Variants in EVC observed in about 807,000 individuals in gnomAD.
EVC encodes evC complex member EVC.
A neutral mutation model predicts 118.9 loss-of-function variants in EVC; 116 were observed. The observed-to-expected ratio is 0.98, with a 90% CI of 0.84 to 1.14. The LOEUF is 1.14. Ranked by LOEUF, EVC falls within the 50% of genes most tolerant of loss-of-function variation. The probability of loss-of-function intolerance (pLI) is 0.00; values close to 1 mark genes in which losing one functional copy is unlikely to be tolerated. For missense variants in EVC, 1,401 were observed against 1,246.4 expected, an observed-to-expected ratio of 1.12 and a Z score of -1.87; for synonymous variants, 619 against 534.7, an observed-to-expected ratio of 1.16 and a Z score of -2.18.
downstream of EVC, among the ~76,000 whole-genome samples, chr4:5,816,068 T>G (rs1379715885): frequency 6.6e-6 from 1 of 152,096 alleles, no homozygotes; most frequent in Non-Finnish European, 1.5e-5. Flanking sequence ...CAGGGGCTCA[T>G]TAAAAACAAC....
chr4:5,787,929 G>T (rs2152307537), intron 12 of EVC, among the ~76,000 whole-genome samples: 1 of 152,172 alleles, frequency 6.6e-6, no homozygotes, highest in Non-Finnish European at 1.5e-5. Flanking sequence ...GGTGGTGTTT[G>T]GCCAAGTTGG....
At chr4:5,825,695 CTG>C in the EVC span, 6 of 1,607,062 alleles carry the variant, frequency 3.7e-6, no homozygotes, top group Non-Finnish European at 5.1e-6. The surrounding 1 kb of genome is among the most constrained non-coding windows in gnomAD (Gnocchi z 4.4). Context: ...TTGATCGACA[CTG>C]TGCATGTGTG....
intron 1 of EVC, among the ~76,000 whole-genome samples, chr4:5,717,202 AC>A (rs1332150482): frequency 6.6e-6 from 1 of 151,840 alleles, no homozygotes; most frequent in East Asian, 1.9e-4. Flanking sequence ...TCAACTTTAT[AC>A]TTGTATTGAG....
the EVC span, chr4:5,821,974 G>T: frequency 1.4e-6 from 1 of 725,852 alleles, no homozygotes; most frequent in Non-Finnish European, 2.0e-6. The surrounding 1 kb of genome is among the most constrained non-coding windows in gnomAD (Gnocchi z 4.4). Context: ...GCTCAGTCCA[G>T]GACCAGCCAT....
intron 1 of EVC, among the ~76,000 whole-genome samples, chr4:5,716,857 T>G (rs1157969503): frequency 1.3e-5 from 2 of 152,166 alleles, no homozygotes; most frequent in Non-Finnish European, 1.5e-5. Flanking sequence ...GAAAACTGAT[T>G]CTATTCTGAT....
In EVC at chr4:5,797,097, C is replaced by T. The variant is rs189626383; in HGVS notation, c.1962C>T (p.Asn654=). 2.4e-5 allele frequency: 39 copies of T among 1,613,518 alleles called. No homozygotes were observed. Among genetic ancestry groups the T allele is most frequent in the Middle Eastern group, 1.6e-4 (1 of 6,062 alleles). Residue 654 remains asparagine, a synonymous_variant, in exon 14 of 21, where the codon AAC becomes AAT. Transcript: ENST00000264956. ...SALRRLALRG[N]ALATLTQMRL... ...TCCGGAGGCTGGCACTCCGCGGCAA[C>T]GCCCTGGCCACCCTGACGCAGATGC...
chr4:5,730,887 C>T (rs949003103), intron 3 of EVC, among the ~76,000 whole-genome samples: 7 of 149,324 alleles, frequency 4.7e-5, no homozygotes, highest in Non-Finnish European at 1.0e-4. Flanking sequence ...ATGCCAGGCC[C>T]CAGGCTGTGA....
intron 5 of EVC, among the ~76,000 whole-genome samples, chr4:5,740,312 A>T (rs898358458): frequency 1.9e-4 from 29 of 152,086 alleles, no homozygotes; most frequent in Middle Eastern, 3.2e-3. Context: ...CTCTACTAAA[A>T]ATACAAAAAT....
the EVC span, chr4:5,821,869 T>A: frequency 6.5e-7 from 1 of 1,540,640 alleles, no homozygotes; most frequent in Non-Finnish European, 8.7e-7. The surrounding 1 kb of genome is among the most constrained non-coding windows in gnomAD (Gnocchi z 4.4). Context: ...AGAGCGCCAA[T>A]CGCTGCTGGA....
chr4:5,797,293 A>G (rs1714149910), intron 14 of EVC, 61 bp downstream of exon 14: 1 of 1,388,664 alleles, frequency 7.2e-7, no homozygotes, highest in South Asian at 1.2e-5. Context: ...AGCAGGCCCC[A>G]GCTTCCAGCA....
intron 5 of EVC, 71 bp downstream of exon 5, chr4:5,733,506 G>A: frequency 7.7e-7 from 1 of 1,291,184 alleles, no homozygotes; most frequent in East Asian, 2.3e-5. Flanking sequence ...TCTGTGTGCA[G>A]TGAGTCCCAG....
chr4:5,763,213 A>G (rs1023050038), intron 11 of EVC, among the ~76,000 whole-genome samples: 4 of 139,494 alleles, frequency 2.9e-5, no homozygotes, highest in South Asian at 2.4e-4. Flanking sequence ...AGATAGTTGT[A>G]GATATGTGGC....
Position 5,745,186 on chromosome 4 carries a change from T to G in EVC, c.802-18T>G. ...TTTTCTTTGTTTATTTGCTTTCTTT[T>G]TTCTTCTTCTTCTTCAGGATTTGGA... On this transcript the variant is annotated intron_variant, in intron 6 of 20. Coordinates refer to ENST00000264956, the MANE Select transcript of EVC (RefSeq NM_153717.3). The G allele has an allele frequency of 6.4e-7, 1 of 1,570,518 alleles. No individual in the cohort carries two copies. The highest frequency in any genetic ancestry group is 8.6e-7 in the Non-Finnish European group (1 of 1,161,924).
intron 17 of EVC, among the ~76,000 whole-genome samples, chr4:5,806,586 T>C (rs1013998937): frequency 2.0e-5 from 3 of 152,306 alleles, no homozygotes; most frequent in Non-Finnish European, 4.4e-5. Context: ...CCTTATCCAG[T>C]CCTCCATTGA....
chr4:5,828,522 C>A, the EVC span: 1 of 1,614,250 alleles, frequency 6.2e-7, no homozygotes, highest in Non-Finnish European at 8.5e-7. Context: ...GGTACAGGTG[C>A]TCCGGGAACG....
intron 16 of EVC, among the ~76,000 whole-genome samples, chr4:5,802,818 G>A (rs547066931): frequency 6.6e-6 from 1 of 152,322 alleles, no homozygotes; most frequent in South Asian, 2.1e-4. Flanking sequence ...TCACTCATCT[G>A]CCGCTCACGT....
rs75292798 is a variant in EVC at position 5,808,599 on chromosome 4, A to G, written c.2688+272A>G. On this transcript the variant is annotated intron_variant, in intron 18 of 20. Coordinates refer to ENST00000264956, the MANE Select transcript of EVC (RefSeq NM_153717.3). ...CTGAGCAGCTGGTCAGGCCTCATCT[A>G]TGGAGCTGACAGAGAATTGAGCATT... Among the ~76,000 whole-genome samples, 1,660 of 152,304 alleles carry G rather than the reference A, an allele frequency of 0.011. 34 individuals carry two copies. The highest frequency in any genetic ancestry group is 0.038 in the African/African-American group (1,565 of 41,570).
chr4:5,753,747 A>T, intron 9 of EVC, 38 bp from the exon 10 acceptor site: 1 of 1,614,034 alleles, frequency 6.2e-7, no homozygotes, highest in Non-Finnish European at 8.5e-7. Context: ...TCTGGCTCAC[A>T]GAGTCACCTC....
Position 5,767,556 on chromosome 4 carries a change from C to A in EVC, c.1563+11194C>A, listed in dbSNP as rs556137281. Among the ~76,000 whole-genome samples the A allele has an allele frequency of 7.7e-4, 116 of 151,248 alleles. 1 individual carries two copies. The highest frequency in any genetic ancestry group is 2.7e-3 in the African/African-American group (113 of 41,252). ...GCTGTGCTAGCAATCAGCGAGACTC[C>A]TTGGGCATAGGACCCTCCGAGCCAC... On this transcript the variant is annotated intron_variant, in intron 11 of 20. Coordinates refer to ENST00000264956, the MANE Select transcript of EVC (RefSeq NM_153717.3).
Sources: gnomAD v4.1 joint callset for allele counts (sites outside exome capture counted in the v4.1 genomes callset) on GRCh38, gnomAD v4.1.1 for gene constraint, Gnocchi (gnomAD v3.1) non-coding constraint, MANE v1.5 for transcripts, NCBI Gene and HGNC (gene_info 2026-07-23, HGNC 2026-07-21) for gene names.